SDK1: variants seen among roughly 807,000 people sequenced by gnomAD.
The protein encoded by SDK1 is protein sidekick-1.
Under a neutral mutation model 245.5 loss-of-function variants are expected in SDK1, and 157 were observed. That is an observed-to-expected ratio of 0.64 (90% CI 0.56 to 0.73). The LOEUF is 0.73. Ranked by LOEUF, SDK1 falls within the 30% of genes least tolerant of loss-of-function variation. The probability of loss-of-function intolerance (pLI) is 0.00; values close to 1 mark genes in which losing one functional copy is unlikely to be tolerated. For synonymous variants in SDK1, 1,647 were observed against 1,278.5 expected (o/e 1.29, Z -6.15); for missense variants, 3,583 against 3,002.3 (o/e 1.19, Z -4.52).
intron 5 of SDK1, among the ~76,000 whole-genome samples, chr7:3,881,826 T>TTC (rs1293884481): frequency 6.6e-6 from 1 of 152,216 alleles, no homozygotes; most frequent in African/African-American, 2.4e-5. Context: ...TAGATTTACT[T>TTC]TCTCTCAAGT....
At chr7:3,622,456 G>C (rs1338440477) in intron 2 of SDK1, among the ~76,000 whole-genome samples, 1 of 152,166 alleles carries the variant, frequency 6.6e-6, no homozygotes, top group African/African-American at 2.4e-5. Context: ...ACTCCAGCCT[G>C]GGCTACAGAG....
Position 4,204,523 on chromosome 7 carries a change from A to T in SDK1, c.5099-1356A>T, listed in dbSNP as rs544523794. On this transcript the variant is annotated intron_variant, in intron 35 of 44. Transcript: ENST00000404826. Reference sequence around the variant, plus strand: ...ATTCTGCGCTGGGGGGAGAGAGCAGAAAGTGGGGAGGGGGTGATGGGGAAG... The same window carrying T: ...ATTCTGCGCTGGGGGGAGAGAGCAGTAAGTGGGGAGGGGGTGATGGGGAAG... Among the ~76,000 whole-genome samples the T allele has an allele frequency of 8.5e-5, 13 of 152,158 alleles. No homozygotes were observed. In the South Asian group the frequency reaches 1.9e-3, roughly 22 times the overall value.
intron 1 of SDK1, among the ~76,000 whole-genome samples, chr7:3,566,880 T>C (rs1055404750): frequency 1.3e-5 from 2 of 152,096 alleles, no homozygotes; most frequent in Non-Finnish European, 2.9e-5. Flanking sequence ...TAAAATGATA[T>C]CCTTATTACA....
intron 1 of SDK1, among the ~76,000 whole-genome samples, chr7:3,467,632 TATTAA>T (rs1781049201): frequency 6.6e-6 from 1 of 152,130 alleles, no homozygotes; most frequent in African/African-American, 2.4e-5. Context: ...GTTTTGCAGC[TATTAA>T]ATTTTCTTAA....
At chr7:3,788,018 AGT>A (rs1441753818) in intron 4 of SDK1, among the ~76,000 whole-genome samples, 1 of 152,162 alleles carries the variant, frequency 6.6e-6, no homozygotes, top group Non-Finnish European at 1.5e-5. Flanking sequence ...GGCTCTTGGA[AGT>A]GACTCTGAGA....
chr7:3,905,788 A>C (rs1220858762), intron 5 of SDK1, among the ~76,000 whole-genome samples: 2 of 151,832 alleles, frequency 1.3e-5, no homozygotes, highest in Non-Finnish European at 2.9e-5. Context: ...ATCCCTGGCT[A>C]ATTAAAAAAA....
intron 9 of SDK1, among the ~76,000 whole-genome samples, chr7:3,964,508 G>A (rs778788348): frequency 6.6e-6 from 1 of 151,956 alleles, no homozygotes; most frequent in East Asian, 1.9e-4. Flanking sequence ...TTGAACAATT[G>A]TAGTTCTTTT....
At chr7:3,517,442 C>T (rs1782789511) in intron 1 of SDK1, among the ~76,000 whole-genome samples, 1 of 152,134 alleles carries the variant, frequency 6.6e-6, no homozygotes, top group African/African-American at 2.4e-5. Flanking sequence ...TTCTACAGAA[C>T]AGAAACTCAA....
intron 3 of SDK1, 48 bp downstream of exon 3, chr7:3,639,158 G>T (rs772416574): frequency 9.6e-7 from 1 of 1,042,594 alleles, no homozygotes; most frequent in Admixed American, 2.1e-5. Context: ...ACAAAGTGTC[G>T]CTGGGGAGTC....
At chr7:3,926,044 G>A (rs1229366294) in intron 5 of SDK1, among the ~76,000 whole-genome samples, 1 of 152,214 alleles carries the variant, frequency 6.6e-6, no homozygotes, top group Non-Finnish European at 1.5e-5. Context: ...AGGATGTTGA[G>A]TGACTTCAGG....
chr7:3,785,554 A>G (rs768363751), intron 4 of SDK1, among the ~76,000 whole-genome samples: 1 of 152,246 alleles, frequency 6.6e-6, no homozygotes, highest in Non-Finnish European at 1.5e-5. Flanking sequence ...AAAACAGAAG[A>G]CAAAATATAA....
intron 1 of SDK1, among the ~76,000 whole-genome samples, chr7:3,553,419 A>C (rs1779478569): frequency 6.6e-6 from 1 of 152,180 alleles, no homozygotes; most frequent in Non-Finnish European, 1.5e-5. Flanking sequence ...AAGAAACAGA[A>C]GGAGAACTCT....
At chr7:4,182,143 T>C (rs1782638045) in intron 35 of SDK1, among the ~76,000 whole-genome samples, 2 of 152,166 alleles carry the variant, frequency 1.3e-5, no homozygotes, top group Admixed American at 6.5e-5. Flanking sequence ...ATGGTCTCAA[T>C]CTCCTGACCT....
intron 5 of SDK1, among the ~76,000 whole-genome samples, chr7:3,945,899 TAAAAAAAAAAA>T (rs754101246): frequency 3.7e-3 from 51 of 13,678 alleles, no homozygotes; most frequent in East Asian, 0.015. Context: ...ACTCTGTCTG[TAAAAAAAAAAA>T]AAAAAAAAAA....
At chr7:4,010,803 A>G (rs889162020) in intron 14 of SDK1, among the ~76,000 whole-genome samples, 163 bp from the exon 15 acceptor site, 2 of 152,230 alleles carry the variant, frequency 1.3e-5, no homozygotes, top group African/African-American at 4.8e-5. Context: ...CCACATGGCC[A>G]GAGCCTCAGT....
At chr7:4,067,362 G>A (rs932233613) in intron 19 of SDK1, among the ~76,000 whole-genome samples, 52 of 152,190 alleles carry the variant, frequency 3.4e-4, no homozygotes, top group Admixed American at 3.4e-3. Context: ...TACCGATTGG[G>A]TTTGGAGCCT....
chr7:3,515,166 T>C (rs961041118), intron 1 of SDK1, among the ~76,000 whole-genome samples: 1 of 152,102 alleles, frequency 6.6e-6, no homozygotes, highest in Admixed American at 6.6e-5. Flanking sequence ...CATTCTGCTG[T>C]TTTGAGCAAC....
intron 22 of SDK1, among the ~76,000 whole-genome samples, chr7:4,089,665 C>T (rs1781665102): frequency 6.6e-6 from 1 of 152,214 alleles, no homozygotes; most frequent in Non-Finnish European, 1.5e-5. Context: ...CTCCCTGGGG[C>T]TGCCTGACTC....
intron 40 of SDK1, chr7:4,227,047 T>C: frequency 4.8e-6 from 1 of 207,528 alleles, no homozygotes; most frequent in South Asian, 8.6e-5. Context: ...CCTGGACTGC[T>C]GTCCACTCGT....
Sources: allele counts gnomAD v4.1 joint callset (sites outside exome capture counted in the v4.1 genomes callset), GRCh38; gene constraint gnomAD v4.1.1; transcripts MANE v1.5; gene names NCBI Gene and HGNC (gene_info 2026-07-23, HGNC 2026-07-21).